IKZF2: variants seen among roughly 807,000 people sequenced by gnomAD.
IKZF2 encodes the protein IKAROS family zinc finger 2, also known as zinc finger protein Helios.
A neutral mutation model predicts 49.2 loss-of-function variants in IKZF2; 15 were observed. That is an observed-to-expected ratio of 0.30 (90% CI 0.20 to 0.47). The LOEUF is 0.47. Ranked by LOEUF, IKZF2 falls within the 20% of genes least tolerant of loss-of-function variation. IKZF2 has a pLI of 1.00. For missense variants in IKZF2, 567 were observed against 664.6 expected, an observed-to-expected ratio of 0.85 and a Z score of 1.61; for synonymous variants, 227 against 221.4, an observed-to-expected ratio of 1.03 and a Z score of -0.23.
chr2:213,091,316 C>T lies in IKZF2; in HGVS notation c.140-34217G>A, dbSNP rs184335869. Among the ~76,000 whole-genome samples, 285 of 152,136 alleles carry T rather than the reference C, an allele frequency of 1.9e-3. 1 individual carries two copies. Among genetic ancestry groups the T allele is most frequent in the African/African-American group, 6.4e-3 (267 of 41,498 alleles). On this transcript the variant is annotated intron_variant, in intron 4 of 8. Transcript: ENST00000434687. Reference sequence around the variant, plus strand: ...ACTTTGTTCATTCTGAACTTAATTCCATATCTGAAGAAAGCTCTCATAATG... The same window carrying T: ...ACTTTGTTCATTCTGAACTTAATTCTATATCTGAAGAAAGCTCTCATAATG...
chr2:213,063,949 A>G (rs9288463), intron 4 of IKZF2, among the ~76,000 whole-genome samples: 72,510 of 151,782 alleles, frequency 0.48, 19,728 homozygotes, highest in African/African-American at 0.75. Flanking sequence ...AAGAAATGTT[A>G]AGTTTCCATA....
At chr2:213,012,955 T>G (rs1696135846) in intron 8 of IKZF2, among the ~76,000 whole-genome samples, 1 of 152,058 alleles carries the variant, frequency 6.6e-6, no homozygotes, top group African/African-American at 2.4e-5. Context: ...CATATTTCTT[T>G]TAAAAAGTCC....
chr2:213,035,786 T>C (rs1698962759), intron 6 of IKZF2, among the ~76,000 whole-genome samples: 1 of 152,168 alleles, frequency 6.6e-6, no homozygotes, highest in Non-Finnish European at 1.5e-5. Flanking sequence ...ATAAAAGCAA[T>C]GGAAAACCAT....
intron 4 of IKZF2, among the ~76,000 whole-genome samples, chr2:213,077,708 C>A (rs1207133575): frequency 6.6e-6 from 1 of 150,908 alleles, no homozygotes; most frequent in Non-Finnish European, 1.5e-5. Flanking sequence ...CTGCCCCAGC[C>A]TCCCAAGTAG....
intron 6 of IKZF2, among the ~76,000 whole-genome samples, chr2:213,035,962 G>A (rs1698981563): frequency 6.6e-6 from 1 of 152,108 alleles, no homozygotes; most frequent in African/African-American, 2.4e-5. Context: ...TGAGTATATT[G>A]GAAGTTGGAT....
intron 4 of IKZF2, among the ~76,000 whole-genome samples, chr2:213,122,271 G>A (rs1409329493): frequency 6.6e-6 from 1 of 152,230 alleles, no homozygotes; most frequent in Non-Finnish European, 1.5e-5. Context: ...TTTAGTGATT[G>A]ATGGTAAAAT....
chr2:213,038,643 T>C (rs2076986973), intron 6 of IKZF2, among the ~76,000 whole-genome samples: 1 of 148,698 alleles, frequency 6.7e-6, no homozygotes, highest in Admixed American at 6.7e-5. Flanking sequence ...GGAAAAAGAA[T>C]TATAAGAAAG....
intron 6 of IKZF2, among the ~76,000 whole-genome samples, chr2:213,033,473 A>C (rs1233471433): frequency 6.6e-6 from 1 of 152,210 alleles, no homozygotes; most frequent in Admixed American, 6.5e-5. Context: ...TGTATGTCTT[A>C]AGTAATAAGA....
chr2:213,088,494 C>T (rs1704925162), intron 4 of IKZF2, among the ~76,000 whole-genome samples: 1 of 152,154 alleles, frequency 6.6e-6, no homozygotes, highest in Non-Finnish European at 1.5e-5. Flanking sequence ...CACAGTGGCT[C>T]ACACCTGTAA....
intron 6 of IKZF2, among the ~76,000 whole-genome samples, chr2:213,045,781 C>T (rs1362558741): frequency 6.6e-6 from 1 of 152,126 alleles, no homozygotes; most frequent in African/African-American, 2.4e-5. Context: ...GAAAATGAAG[C>T]ACAAAATGTG....
chr2:213,008,639 T>C (rs914757651), intron 8 of IKZF2, among the ~76,000 whole-genome samples: 25 of 152,126 alleles, frequency 1.6e-4, no homozygotes, highest in Non-Finnish European at 2.9e-4. Context: ...AAAGATATGA[T>C]TGAGTTTATC....
Position 213,012,655 on chromosome 2 carries a change from T to C in IKZF2, c.856+1136A>G, listed in dbSNP as rs182655578. ...AGGCCTTCTTTCAATGAGTTCTCAA[T>C]AAATCCCTCCAGCTAGTCTTAGAGT... On this transcript the variant is annotated intron_variant, in intron 8 of 8. Coordinates refer to ENST00000434687, the MANE Select transcript of IKZF2 (RefSeq NM_001387220.1). 6.2e-3 allele frequency among the ~76,000 whole-genome samples: 947 copies of C among 152,078 alleles called. 9 individuals carry two copies. The highest frequency in any genetic ancestry group is 0.02 in the Middle Eastern group (6 of 294).
intron 4 of IKZF2, among the ~76,000 whole-genome samples, chr2:213,130,756 G>A (rs988644933): frequency 6.6e-6 from 1 of 152,046 alleles, no homozygotes; most frequent in African/African-American, 2.4e-5. Flanking sequence ...TCCTATATAT[G>A]CCAGTTAGAT....
At chr2:213,103,944 A>G (rs1265165136) in intron 4 of IKZF2, among the ~76,000 whole-genome samples, 1 of 152,194 alleles carries the variant, frequency 6.6e-6, no homozygotes, top group Admixed American at 6.6e-5. Context: ...GTGATGATAT[A>G]TTACATAAAT....
intron 7 of IKZF2, among the ~76,000 whole-genome samples, chr2:213,018,789 C>G (rs1019870743): frequency 6.6e-6 from 1 of 152,090 alleles, no homozygotes. Flanking sequence ...CTCCAAGCCT[C>G]TTTTTCTCCT....
rs961444965 is a variant in IKZF2, at chr2:213,033,892, C to G, written c.575-11762G>C. Among the ~76,000 whole-genome samples the G allele has an allele frequency of 2.0e-5, 3 of 152,322 alleles. No individual in the cohort carries two copies. The East Asian group carries it at 5.8e-4, about 29-fold the overall frequency. ...TAACCCAGGCACTGACTTCTCCTCTCTAGATGGCCTCTTCTTCTAATAGAA... is the reference window on the plus strand; with the variant it reads ...TAACCCAGGCACTGACTTCTCCTCTGTAGATGGCCTCTTCTTCTAATAGAA... On this transcript the variant is annotated intron_variant, in intron 6 of 8. Coordinates refer to ENST00000434687, the MANE Select transcript of IKZF2 (RefSeq NM_001387220.1).
intron 4 of IKZF2, among the ~76,000 whole-genome samples, chr2:213,123,422 A>T (rs2060121020): frequency 1.3e-5 from 2 of 152,220 alleles, no homozygotes; most frequent in South Asian, 4.1e-4. Flanking sequence ...AAATAGGCAT[A>T]GTTTTTGTAC....
At chr2:213,120,999 A>C (rs1474999340) in intron 4 of IKZF2, among the ~76,000 whole-genome samples, 1 of 152,156 alleles carries the variant, frequency 6.6e-6, no homozygotes, top group Admixed American at 6.5e-5. Flanking sequence ...ATGTTTGCCT[A>C]ATGTCTCAAA....
chr2:213,049,025 G>C (rs1399520134), intron 6 of IKZF2, among the ~76,000 whole-genome samples: 1 of 151,802 alleles, frequency 6.6e-6, no homozygotes, highest in Non-Finnish European at 1.5e-5. Flanking sequence ...GATTCATTTG[G>C]ATTTCTGATC....
Sources: allele counts gnomAD v4.1 joint callset (sites outside exome capture counted in the v4.1 genomes callset), GRCh38; gene constraint gnomAD v4.1.1; transcripts MANE v1.5; gene names NCBI Gene and HGNC (gene_info 2026-07-23, HGNC 2026-07-21).